RBFOX1: variants seen among roughly 807,000 people sequenced by gnomAD.
RBFOX1 encodes the protein RNA binding fox-1 homolog 1.
A neutral mutation model predicts 57.7 loss-of-function variants in RBFOX1; 8 were observed. The observed-to-expected ratio is 0.14, with a 90% confidence interval of 0.08 to 0.25. The LOEUF (loss-of-function observed/expected upper bound fraction) is 0.25, where lower values mean the gene tolerates loss of function less well. Among genes scored for constraint, RBFOX1 ranks in the 10% least tolerant of loss-of-function variants. The pLI is 1.00. For missense variants in RBFOX1, 611 were observed against 548.5 expected, an observed-to-expected ratio of 1.11 and a Z score of -1.14; for synonymous variants, 326 against 222.4, an observed-to-expected ratio of 1.47 and a Z score of -4.15.
intron 1 of RBFOX1, among the ~76,000 whole-genome samples, chr16:6,101,686 C>G (rs964324497): frequency 6.6e-6 from 1 of 152,128 alleles, no homozygotes; most frequent in Non-Finnish European, 1.5e-5. Flanking sequence ...ATTTGGGAAG[C>G]TGAGGTGGGT....
intron 1 of RBFOX1, among the ~76,000 whole-genome samples, chr16:5,396,248 G>A (rs947313712): frequency 3.9e-5 from 6 of 152,168 alleles, no homozygotes; most frequent in Admixed American, 2.0e-4. Context: ...ATAAATGCAC[G>A]AAAATTAGAT....
At chr16:7,041,866 C>T (rs957908177) in intron 3 of RBFOX1, among the ~76,000 whole-genome samples, 1 of 152,094 alleles carries the variant, frequency 6.6e-6, no homozygotes, top group African/African-American at 2.4e-5. Context: ...CTTAGTAATT[C>T]TTATAGATTA....
At chr16:7,710,378 G>A (rs1440136198) in intron 15 of RBFOX1, 12 of 1,362,918 alleles carry the variant, frequency 8.8e-6, no homozygotes, top group Non-Finnish European at 1.1e-5. Context: ...TTATAATAGA[G>A]TCCTTTTAGC....
At chr16:6,846,804 T>A (rs888299225) in intron 3 of RBFOX1, among the ~76,000 whole-genome samples, 1 of 152,140 alleles carries the variant, frequency 6.6e-6, no homozygotes. Flanking sequence ...ATTTATTCAT[T>A]TGTAAGCAGC....
intron 1 of RBFOX1, among the ~76,000 whole-genome samples, chr16:6,073,079 A>T (rs1246273710): frequency 1.3e-5 from 2 of 152,200 alleles, no homozygotes; most frequent in African/African-American, 4.8e-5. Context: ...ATGAGTCAGA[A>T]TTTGCATCTA....
intron 4 of RBFOX1, among the ~76,000 whole-genome samples, chr16:7,098,424 C>T (rs1249709228): frequency 6.6e-6 from 1 of 152,166 alleles, no homozygotes; most frequent in Admixed American, 6.5e-5. Flanking sequence ...CCTGCCTAGG[C>T]CTCCCAAAGT....
At chr16:7,403,248 A>C (rs891248994) in intron 4 of RBFOX1, among the ~76,000 whole-genome samples, 9 of 152,166 alleles carry the variant, frequency 5.9e-5, no homozygotes, top group Non-Finnish European at 1.3e-4. Flanking sequence ...GATCACTTAG[A>C]ATCTAGTCTC....
At chr16:5,534,093 C>T (rs144395208) in intron 2 of RBFOX1, among the ~76,000 whole-genome samples, 66 of 152,192 alleles carry the variant, frequency 4.3e-4, no homozygotes, top group Middle Eastern at 6.8e-3. Context: ...CAGTTGCTGC[C>T]GCTTTGTGCA....
intron 1 of RBFOX1, among the ~76,000 whole-genome samples, chr16:6,118,845 T>C (rs777649239): frequency 1.3e-5 from 2 of 151,056 alleles, no homozygotes; most frequent in African/African-American, 2.4e-5. Flanking sequence ...TCTTTCCCCA[T>C]CTTCTTCACT....
chr16:5,818,130 T>A (rs1411140299), intron 3 of RBFOX1, among the ~76,000 whole-genome samples: 1 of 152,196 alleles, frequency 6.6e-6, no homozygotes, highest in South Asian at 2.1e-4. Context: ...GATACTTCAT[T>A]AGATCATCAC....
At chr16:7,284,938 TC>T (rs1314298487) in intron 4 of RBFOX1, among the ~76,000 whole-genome samples, 14 of 152,230 alleles carry the variant, frequency 9.2e-5, no homozygotes, top group Admixed American at 7.8e-4. Context: ...TGTTTCCTTT[TC>T]TGGAACATTT....
intron 4 of RBFOX1, among the ~76,000 whole-genome samples, chr16:7,131,691 A>G (rs1471206910): frequency 5.3e-5 from 8 of 151,920 alleles, no homozygotes; most frequent in African/African-American, 1.5e-4. Flanking sequence ...TCTTTTTGCC[A>G]GACAGTAAGC....
chr16:6,495,794 A>T (rs1416973360), intron 2 of RBFOX1, among the ~76,000 whole-genome samples: 3 of 152,144 alleles, frequency 2.0e-5, no homozygotes, highest in African/African-American at 7.2e-5. Flanking sequence ...TCCTATGGCA[A>T]ACTCAACACC....
chr16:6,552,320 G>C (rs1343809152), intron 2 of RBFOX1, among the ~76,000 whole-genome samples: 2 of 152,148 alleles, frequency 1.3e-5, no homozygotes, highest in East Asian at 3.9e-4. Context: ...AATCATACCA[G>C]TGAATCAGAG....
At chr16:7,697,035 ATTTGGGAT>A (rs1598348572) in intron 14 of RBFOX1, among the ~76,000 whole-genome samples, 1 of 152,142 alleles carries the variant, frequency 6.6e-6, no homozygotes, top group Non-Finnish European at 1.5e-5. Context: ...TGCAGAACAT[ATTTGGGAT>A]TTTAACAGTG....
At chr16:6,953,531 G>T (rs910867913) in intron 3 of RBFOX1, among the ~76,000 whole-genome samples, 3 of 152,014 alleles carry the variant, frequency 2.0e-5, no homozygotes, top group East Asian at 1.9e-4. Context: ...GATTACGGGG[G>T]TGTGTCACCA....
intron 3 of RBFOX1, among the ~76,000 whole-genome samples, chr16:6,740,283 C>CA (rs1317985233): frequency 3.9e-5 from 6 of 152,044 alleles, no homozygotes; most frequent in Admixed American, 2.0e-4. Flanking sequence ...AGGATATGTG[C>CA]AAAAAACCTA....
chr16:7,348,657 A>G (rs1158627132), intron 4 of RBFOX1, among the ~76,000 whole-genome samples: 1 of 152,208 alleles, frequency 6.6e-6, no homozygotes, highest in Non-Finnish European at 1.5e-5. Context: ...GAATTACACA[A>G]AAGGCCGGTT....
At chr16:7,404,835 G>A (rs985077804) in intron 4 of RBFOX1, among the ~76,000 whole-genome samples, 2 of 152,286 alleles carry the variant, frequency 1.3e-5, no homozygotes, top group East Asian at 3.9e-4. Flanking sequence ...ACAGATGTGG[G>A]CTCTCCTGGA....
Sources: allele counts gnomAD v4.1 joint callset (sites outside exome capture counted in the v4.1 genomes callset), GRCh38; gene constraint gnomAD v4.1.1; transcripts MANE v1.5; gene names NCBI Gene and HGNC (gene_info 2026-07-23, HGNC 2026-07-21).